The following C12orf42 variants were observed in gnomAD, a reference collection of about 807,000 sequenced individuals.
C12orf42 encodes the protein chromosome 12 open reading frame 42, also known as uncharacterized protein C12orf42.
In C12orf42, 25 loss-of-function variants were observed where a neutral mutation model predicts 21.6. The observed-to-expected ratio is 1.16, with a 90% CI of 0.84 to 1.62. The LOEUF is 1.62. Ranked by LOEUF, C12orf42 falls within the 40% of genes most tolerant of loss-of-function variation. The probability of loss-of-function intolerance (pLI) is 0.00; values close to 1 mark genes in which losing one functional copy is unlikely to be tolerated. For missense variants in C12orf42, 483 were observed against 459.3 expected (o/e 1.05, Z -0.47); for synonymous variants, 174 against 175.0 (o/e 0.99, Z 0.05).
chr12:103,243,558 T>C (rs1444617601), intron 10 of C12orf42, among the ~76,000 whole-genome samples: 1 of 152,102 alleles, frequency 6.6e-6, no homozygotes, highest in African/African-American at 2.4e-5. Context: ...ATTAAATGTC[T>C]TTTGCATTTT....
chr12:103,174,492 G>A, the C12orf42 span, among the ~76,000 whole-genome samples: 4 of 152,134 alleles, frequency 2.6e-5, no homozygotes, highest in East Asian at 7.7e-4. Flanking sequence ...TTACAGATGA[G>A]GAAGTGGAGG....
intron 5 of C12orf42, among the ~76,000 whole-genome samples, chr12:103,274,052 T>C (rs2035623196): frequency 1.3e-5 from 2 of 152,198 alleles, no homozygotes; most frequent in African/African-American, 4.8e-5. Context: ...AGTAAGTTAT[T>C]ACTAAGGGCT....
the C12orf42 span, among the ~76,000 whole-genome samples, chr12:103,227,276 G>A: frequency 6.6e-6 from 1 of 151,972 alleles, no homozygotes; most frequent in Non-Finnish European, 1.5e-5. Flanking sequence ...AGAGGTCGGG[G>A]CGTGGAAATA....
At chr12:103,388,176 G>A (rs543372399) in intron 3 of C12orf42, among the ~76,000 whole-genome samples, 3 of 152,322 alleles carry the variant, frequency 2.0e-5, no homozygotes, top group East Asian at 1.9e-4. Flanking sequence ...GAGAAGGGGG[G>A]GTGATAACTC....
chr12:103,246,162 G>A (rs1205567050), intron 10 of C12orf42, among the ~76,000 whole-genome samples: 1 of 152,090 alleles, frequency 6.6e-6, no homozygotes, highest in Non-Finnish European at 1.5e-5. Flanking sequence ...TTCAGTCATA[G>A]TAAACGGAAA....
At chr12:103,089,124 A>AAAAAAG in the C12orf42 span, among the ~76,000 whole-genome samples, 1 of 150,634 alleles carries the variant, frequency 6.6e-6, no homozygotes, top group East Asian at 1.9e-4. Flanking sequence ...AAAAAAAAAA[A>AAAAAAG]GAATCAACTC....
At chr12:103,357,395 C>G (rs11111537) in intron 4 of C12orf42, among the ~76,000 whole-genome samples, 1 of 151,756 alleles carries the variant, frequency 6.6e-6, no homozygotes, top group Non-Finnish European at 1.5e-5. Flanking sequence ...GGGGAGGTTT[C>G]TTAATGCAAA....
chr12:103,403,444 C>G (rs2048186750), intron 2 of C12orf42, among the ~76,000 whole-genome samples: 1 of 151,508 alleles, frequency 6.6e-6, no homozygotes, highest in African/African-American at 2.4e-5. Context: ...TGTGGTGTCA[C>G]AAGGTGTGGA....
Position 103,281,872 on chromosome 12 carries a change from G to A in C12orf42, n.338-4662C>T, listed in dbSNP as rs979514042. On this transcript the variant is annotated intron_variant and non_coding_transcript_variant, in intron 4 of 6. Transcript: ENST00000546526. ...CTCAACTAGACTATGGAGAGAGAGA[G>A]AAAAGAGAAAGAAAGAAAAAGAAAG... 2.1e-5 allele frequency among the ~76,000 whole-genome samples: 3 copies of A among 145,198 alleles called. No individual in the cohort carries two copies. In the Admixed American group the frequency reaches 2.1e-4, roughly 10 times the overall value.
At chr12:103,083,138 G>C in the C12orf42 span, among the ~76,000 whole-genome samples, 1 of 152,180 alleles carries the variant, frequency 6.6e-6, no homozygotes, top group Non-Finnish European at 1.5e-5. Context: ...GCCGAGGCGG[G>C]TGGATCATCT....
intron 2 of C12orf42, among the ~76,000 whole-genome samples, chr12:103,467,330 G>A (rs1953222286): frequency 6.6e-6 from 1 of 152,160 alleles, no homozygotes; most frequent in Admixed American, 6.5e-5. Context: ...TAATGGGGAG[G>A]ATAGGGACTG....
chr12:103,192,502 CAA>C, the C12orf42 span, among the ~76,000 whole-genome samples: 13 of 104,446 alleles, frequency 1.2e-4, no homozygotes, highest in Admixed American at 3.0e-4. Flanking sequence ...GACTCCATCT[CAA>C]AAAAAAAAAA....
chr12:103,248,972 A>G (rs2034146122), intron 10 of C12orf42, among the ~76,000 whole-genome samples: 1 of 152,076 alleles, frequency 6.6e-6, no homozygotes, highest in African/African-American at 2.4e-5. Flanking sequence ...GATTGAAGAT[A>G]GAATTTGGCC....
chr12:103,334,955 T>C (rs769426818), intron 4 of C12orf42, among the ~76,000 whole-genome samples: 10 of 152,216 alleles, frequency 6.6e-5, no homozygotes, highest in Non-Finnish European at 1.3e-4. Context: ...TCAAGCTCTG[T>C]CCTCTCCTTT....
At chr12:103,478,013 C>A in intron 2 of C12orf42, 1 of 194,798 alleles carries the variant, frequency 5.1e-6, no homozygotes, top group Non-Finnish European at 1.0e-5. Context: ...GGAACAATAC[C>A]AGCAGCTTTA....
At chr12:103,517,483 G>C in the C12orf42 span, among the ~76,000 whole-genome samples, 1 of 152,326 alleles carries the variant, frequency 6.6e-6, no homozygotes. Flanking sequence ...ATGAAATGTT[G>C]TCAGTCCACC....
chr12:103,164,322 T>C, the C12orf42 span: 13 of 434,752 alleles, frequency 3.0e-5, no homozygotes, highest in Non-Finnish European at 4.6e-6. Flanking sequence ...ATCACAGCTG[T>C]TTGTATACTT....
At chr12:103,060,770 T>C in the C12orf42 span, among the ~76,000 whole-genome samples, 1 of 152,184 alleles carries the variant, frequency 6.6e-6, no homozygotes, top group Non-Finnish European at 1.5e-5. Context: ...TGGCTAGCCA[T>C]ATGCAGAAAA....
At chr12:103,479,818 G>T (rs1050505011) in intron 1 of C12orf42, among the ~76,000 whole-genome samples, 1 of 151,930 alleles carries the variant, frequency 6.6e-6, no homozygotes, top group South Asian at 2.1e-4. Context: ...TTTATTTTTA[G>T]TACAGTGCTG....
Sources: gnomAD v4.1 joint callset for allele counts (sites outside exome capture counted in the v4.1 genomes callset) on GRCh38, gnomAD v4.1.1 for gene constraint, MANE v1.5 for transcripts, NCBI Gene and HGNC (gene_info 2026-07-23, HGNC 2026-07-21) for gene names.